The following THSD4 variants were observed in gnomAD, a reference collection of about 807,000 sequenced individuals.
The protein encoded by THSD4 is thrombospondin type 1 domain containing 4, also known as thrombospondin type-1 domain-containing protein 4.
Under a neutral mutation model 119.0 loss-of-function variants are expected in THSD4, and 69 were observed. The ratio of observed to expected loss-of-function variants is 0.58; its 90% confidence interval spans 0.48 to 0.71. THSD4 has a LOEUF of 0.71. Among genes scored for constraint, THSD4 ranks in the 30% least tolerant of loss-of-function variants. The pLI is 0.00. For synonymous variants in THSD4, 524 were observed against 540.4 expected (o/e 0.97, Z 0.42); for missense variants, 1,393 against 1,391.1 (o/e 1.00, Z -0.02).
intron 7 of THSD4, among the ~76,000 whole-genome samples, chr15:71,439,378 G>T (rs1157494640): frequency 1.3e-5 from 2 of 152,214 alleles, no homozygotes; most frequent in Admixed American, 6.5e-5. Context: ...ATATGCTGGA[G>T]AGGATGTGGA....
chr15:71,367,240 A>G (rs1278511790), intron 6 of THSD4, among the ~76,000 whole-genome samples: 1 of 152,058 alleles, frequency 6.6e-6, no homozygotes, highest in Non-Finnish European at 1.5e-5. Context: ...ATTTTAAAAA[A>G]ATATTTTATT....
chr15:71,724,631 C>T (rs544749338), intron 8 of THSD4, among the ~76,000 whole-genome samples: 66 of 152,098 alleles, frequency 4.3e-4, no homozygotes, highest in Admixed American at 2.0e-3. Context: ...TTTGAGCCAT[C>T]GTTGGTAATC....
At chr15:71,275,211 A>G (rs2044576369) in intron 6 of THSD4, among the ~76,000 whole-genome samples, 1 of 152,032 alleles carries the variant, frequency 6.6e-6, no homozygotes, top group African/African-American at 2.4e-5. Context: ...AGCTGAGAGC[A>G]GCGATTTGCC....
At chr15:71,337,204 G>A (rs951793233) in intron 6 of THSD4, among the ~76,000 whole-genome samples, 28 of 152,206 alleles carry the variant, frequency 1.8e-4, no homozygotes, top group African/African-American at 6.8e-4. Flanking sequence ...TCCAACCCAA[G>A]AACTGTAAGG....
At chr15:71,645,315 G>T (rs542357000) in intron 7 of THSD4, among the ~76,000 whole-genome samples, 147 of 152,316 alleles carry the variant, frequency 9.7e-4, no homozygotes, top group African/African-American at 3.4e-3. Flanking sequence ...GGTAGAAGGG[G>T]AAGCAAACAT....
intron 3 of THSD4, among the ~76,000 whole-genome samples, chr15:71,198,557 C>T (rs951040180): frequency 3.2e-4 from 49 of 152,366 alleles, no homozygotes; most frequent in African/African-American, 1.1e-3. Context: ...ACAGTTGCCT[C>T]AGTTTACCCA....
intron 6 of THSD4, among the ~76,000 whole-genome samples, chr15:71,268,240 C>T (rs759735022): frequency 2.9e-4 from 44 of 151,960 alleles, no homozygotes; most frequent in Non-Finnish European, 4.0e-4. Context: ...TACAAAAGAA[C>T]GGAAACCATA....
intron 6 of THSD4, among the ~76,000 whole-genome samples, chr15:71,408,029 A>G (rs1566972399): frequency 6.6e-6 from 1 of 152,158 alleles, no homozygotes. Context: ...GGAGAGAAAC[A>G]GAAGTTTGTG....
chr15:71,457,241 G>C (rs1483565425), intron 7 of THSD4, among the ~76,000 whole-genome samples: 1 of 151,906 alleles, frequency 6.6e-6, no homozygotes, highest in African/African-American at 2.4e-5. Flanking sequence ...AATTAGCCGG[G>C]CATTGGTGGC....
At chr15:71,191,168 C>T (rs986524830) in intron 3 of THSD4, among the ~76,000 whole-genome samples, 1 of 152,170 alleles carries the variant, frequency 6.6e-6, no homozygotes, top group African/African-American at 2.4e-5. Flanking sequence ...CCCAGGGCCA[C>T]CATCTTTGTC....
intron 8 of THSD4, among the ~76,000 whole-genome samples, chr15:71,709,335 G>A (rs2052461439): frequency 6.6e-6 from 1 of 152,186 alleles, no homozygotes; most frequent in Admixed American, 6.5e-5. Flanking sequence ...GGGAAAAAAG[G>A]GTTTAGCAGC....
chr15:71,148,022 T>C (rs1470756214), intron 2 of THSD4, among the ~76,000 whole-genome samples: 4 of 146,812 alleles, frequency 2.7e-5, no homozygotes. Flanking sequence ...CCACCTCACA[T>C]TGCCAGAAGT....
intron 3 of THSD4, among the ~76,000 whole-genome samples, chr15:71,191,807 A>G (rs963537194): frequency 6.6e-6 from 1 of 151,658 alleles, no homozygotes; most frequent in East Asian, 1.9e-4. Context: ...GGGTCTCTTC[A>G]TTCTTTTCCT....
intron 15 of THSD4, among the ~76,000 whole-genome samples, 175 bp downstream of exon 15, chr15:71,758,250 G>A (rs1402402301): frequency 6.6e-6 from 1 of 152,248 alleles, no homozygotes; most frequent in Non-Finnish European, 1.5e-5. Context: ...TCAGTCAACA[G>A]TATTCATTGA....
intron 7 of THSD4, among the ~76,000 whole-genome samples, chr15:71,596,647 T>G (rs1282037405): frequency 3.3e-5 from 5 of 152,254 alleles, no homozygotes; most frequent in Admixed American, 1.3e-4. Flanking sequence ...GGACAGGGTC[T>G]AGGTTGATCC....
At chr15:71,204,990 T>C (rs908343) in intron 3 of THSD4, among the ~76,000 whole-genome samples, 150,217 of 152,248 alleles carry the variant, frequency 0.99, 74,138 homozygotes, top group Middle Eastern at 1. Context: ...GCCCTTTTCT[T>C]TTTGAGTAGC....
At chr15:71,625,410 A>G (rs1020309619) in intron 7 of THSD4, among the ~76,000 whole-genome samples, 1 of 152,230 alleles carries the variant, frequency 6.6e-6, no homozygotes, top group Non-Finnish European at 1.5e-5. Flanking sequence ...ACTAAATCTC[A>G]AAGAAAGAGC....
intron 7 of THSD4, among the ~76,000 whole-genome samples, chr15:71,508,690 A>G (rs775142892): frequency 6.6e-6 from 1 of 152,202 alleles, no homozygotes. Flanking sequence ...ATACATTTTC[A>G]GTGTAGAATT....
chr15:71,712,208 T>C (rs1321101219), intron 8 of THSD4, among the ~76,000 whole-genome samples: 2 of 152,094 alleles, frequency 1.3e-5, no homozygotes, highest in Admixed American at 6.5e-5. Context: ...CAGAAAGAGA[T>C]CTAGAAATTT....
Sources: gnomAD v4.1 joint callset for allele counts (sites outside exome capture counted in the v4.1 genomes callset) on GRCh38, gnomAD v4.1.1 for gene constraint, MANE v1.5 for transcripts, NCBI Gene and HGNC (gene_info 2026-07-23, HGNC 2026-07-21) for gene names.